BEND6: variants seen among roughly 807,000 people sequenced by gnomAD.
BEND6 encodes the protein BEN domain-containing protein 6.
BEND6 carries 24 observed loss-of-function variants against 31.8 expected under a neutral mutation model. That is an observed-to-expected ratio of 0.75 (90% CI 0.55 to 1.06). The LOEUF is 1.06. BEND6 is among the 50% of genes least tolerant of loss of function. The pLI is 0.00. For synonymous variants in BEND6, 109 were observed against 114.6 expected (o/e 0.95, Z 0.31); for missense variants, 294 against 327.4 (o/e 0.90, Z 0.79).
intron 1 of BEND6, among the ~76,000 whole-genome samples, chr6:56,974,975 C>T (rs1020736053): frequency 2.6e-5 from 4 of 151,980 alleles, no homozygotes; most frequent in Admixed American, 6.6e-5. Context: ...CAAAATTAGT[C>T]GGGCATGATG....
intron 3 of BEND6, among the ~76,000 whole-genome samples, chr6:56,997,972 G>C (rs1390964295): frequency 2.6e-5 from 4 of 151,810 alleles, no homozygotes; most frequent in Non-Finnish European, 4.4e-5. Context: ...TGTGTGTGGG[G>C]GTGGGGGGCG....
In BEND6 at chr6:57,005,299, A is replaced by G. The variant is rs139286283; in HGVS notation, c.299-9834A>G. On this transcript the variant is annotated intron_variant, in intron 3 of 6. Transcript: ENST00000370746. Reference sequence around the variant, plus strand: ...CATTAATTACAATTATAAAATATCTACTAATTCCCCTAACAAAAAATGTGT... The same window carrying G: ...CATTAATTACAATTATAAAATATCTGCTAATTCCCCTAACAAAAAATGTGT... Among the ~76,000 whole-genome samples the G allele has an allele frequency of 2.3e-3, 347 of 152,308 alleles. 2 individuals carry two copies. The highest frequency in any genetic ancestry group is 7.1e-3 in the African/African-American group (297 of 41,562).
At chr6:56,971,589 A>G (rs1488394514) in intron 1 of BEND6, among the ~76,000 whole-genome samples, 1 of 152,158 alleles carries the variant, frequency 6.6e-6, no homozygotes, top group Non-Finnish European at 1.5e-5. Context: ...ATTACCACCA[A>G]CAGTGCACAG....
chr6:56,993,274 T>G (rs551000791), intron 3 of BEND6, among the ~76,000 whole-genome samples: 13 of 152,342 alleles, frequency 8.5e-5, no homozygotes, highest in Admixed American at 5.9e-4. Flanking sequence ...TTTATACAGC[T>G]GAATATTTTA....
intron 6 of BEND6, among the ~76,000 whole-genome samples, chr6:57,020,995 G>C (rs1827726231): frequency 6.6e-6 from 1 of 152,124 alleles, no homozygotes; most frequent in South Asian, 2.1e-4. Flanking sequence ...AAATCTGCTA[G>C]CTATGGCATT....
At chr6:56,961,368 G>A (rs997576061) in intron 1 of BEND6, among the ~76,000 whole-genome samples, 5 of 152,162 alleles carry the variant, frequency 3.3e-5, no homozygotes, top group Non-Finnish European at 7.4e-5. Flanking sequence ...ATGATGTGCT[G>A]GGAGTTAATT....
intron 2 of BEND6, among the ~76,000 whole-genome samples, chr6:56,984,512 G>A (rs770622241): frequency 4.3e-4 from 66 of 152,280 alleles, no homozygotes; most frequent in Non-Finnish European, 7.4e-4. Context: ...GTTTTAATCT[G>A]CTGATGCAGG....
intron 1 of BEND6, among the ~76,000 whole-genome samples, chr6:56,970,799 A>G (rs993560231): frequency 6.6e-6 from 1 of 152,204 alleles, no homozygotes; most frequent in Admixed American, 6.5e-5. Flanking sequence ...ATATGTCTAT[A>G]TCTGGTTGGT....
At chr6:56,974,201 A>T (rs1414265437) in intron 1 of BEND6, among the ~76,000 whole-genome samples, 1 of 152,220 alleles carries the variant, frequency 6.6e-6, no homozygotes, top group Non-Finnish European at 1.5e-5. Flanking sequence ...ATGTGCGGTA[A>T]TGTAAGTCAA....
At chr6:56,980,575 G>A (rs1826031832) in intron 1 of BEND6, among the ~76,000 whole-genome samples, 1 of 152,216 alleles carries the variant, frequency 6.6e-6, no homozygotes, top group African/African-American at 2.4e-5. Context: ...TGACAGTATA[G>A]TCCTGTGTTA....
At chr6:56,975,863 T>G in intron 1 of BEND6, 3 of 528,600 alleles carry the variant, frequency 5.7e-6, no homozygotes, top group South Asian at 4.4e-5. Context: ...CCTATGTTCA[T>G]CAGTCATAGA....
intron 3 of BEND6, among the ~76,000 whole-genome samples, chr6:57,011,715 C>CAAAAAAAAAAAAAAAA (rs770049459): frequency 1.8e-4 from 6 of 33,970 alleles, no homozygotes; most frequent in African/African-American, 3.2e-4. Flanking sequence ...GGCCCTGTCT[C>CAAAAAAAAAAAAAAAA]AAAAAAAAAA....
chr6:56,972,082 CTTTCT>C, intron 1 of BEND6, among the ~76,000 whole-genome samples: 5 of 119,910 alleles, frequency 4.2e-5, no homozygotes, highest in East Asian at 4.8e-4. Context: ...CTTTACTTTA[CTTTCT>C]TTTTTTTTTT....
intron 3 of BEND6, among the ~76,000 whole-genome samples, chr6:57,011,615 G>A (rs1414084486): frequency 6.7e-6 from 1 of 149,684 alleles, no homozygotes; most frequent in African/African-American, 2.5e-5. Flanking sequence ...CTACTTGGGA[G>A]ACTGCGGTGG....
At chr6:56,955,752 AT>A (rs994836591) in intron 1 of BEND6, among the ~76,000 whole-genome samples, 123 of 152,284 alleles carry the variant, frequency 8.1e-4, no homozygotes, top group African/African-American at 2.9e-3. Flanking sequence ...GCGATTTCAG[AT>A]TTAGGGACCT....
At position 57,015,179 on chromosome 6, in the gene BEND6, C is replaced by T. The variant is rs554763248; in HGVS notation, c.345C>T (p.Ala115=). The T allele has an allele frequency of 3.0e-5, 48 of 1,614,074 alleles. No homozygotes were observed. In the South Asian group the frequency reaches 3.6e-4, roughly 12 times the overall value. ...AGTTTGAAGAATTGGTTGGTATGGC[C>T]GAGGCTCTGCTTAAGGGTGGGGGAA... ...VTQFEELVGM[A]EALLKGGGTM... The change falls in exon 4 of 7, where the codon GCC becomes GCT. Residue 115 remains alanine, a synonymous_variant. Transcript: ENST00000370746.
At chr6:57,021,525 C>T (rs1827741507) in intron 6 of BEND6, among the ~76,000 whole-genome samples, 1 of 152,108 alleles carries the variant, frequency 6.6e-6, no homozygotes, top group South Asian at 2.1e-4. Flanking sequence ...GGCCTAAATT[C>T]CTCCCTTTTT....
At chr6:57,014,416 G>A (rs963127578) in intron 3 of BEND6, 3 of 1,239,622 alleles carry the variant, frequency 2.4e-6, no homozygotes, top group African/African-American at 3.1e-5. Context: ...AATTAGACAA[G>A]GTTCAAGATC....
chr6:57,008,614 A>T (rs1453431253), intron 3 of BEND6: 1 of 168,750 alleles, frequency 5.9e-6, no homozygotes, highest in African/African-American at 2.4e-5. Context: ...ATCTGAACAG[A>T]TATTTCTCAG....
Sources: allele counts gnomAD v4.1 joint callset (sites outside exome capture counted in the v4.1 genomes callset), GRCh38; gene constraint gnomAD v4.1.1; transcripts MANE v1.5; gene names NCBI Gene and HGNC (gene_info 2026-07-23, HGNC 2026-07-21).